Variants in GARIN5A observed in about 807,000 individuals in gnomAD.
The protein encoded by GARIN5A is Golgi-associated RAB2 interactor protein 5A.
chr19:50,471,599 T>A, the GARIN5A span, among the ~76,000 whole-genome samples: 2 of 152,112 alleles, frequency 1.3e-5, no homozygotes, highest in African/African-American at 4.8e-5. Context: ...AAAGGATGGA[T>A]CCATATATAT....
chr19:50,475,817 T>C, the GARIN5A span: 7 of 1,586,770 alleles, frequency 4.4e-6, no homozygotes, highest in Non-Finnish European at 6.1e-6. Context: ...GATGAGGGGG[T>C]TCTGGGGCTC....
the GARIN5A span, among the ~76,000 whole-genome samples, chr19:50,471,661 T>TGC: frequency 8.5e-6 from 1 of 117,638 alleles, no homozygotes; most frequent in Non-Finnish European, 1.8e-5. Flanking sequence ...TACATGCACG[T>TGC]GTGTGTATAC....
chr19:50,467,751 G>A, the GARIN5A span: 1 of 1,610,178 alleles, frequency 6.2e-7, no homozygotes, highest in South Asian at 1.1e-5. Context: ...AGAAGGTGCG[G>A]CTGGTGTTCA....
the GARIN5A span, chr19:50,476,409 G>C: frequency 8.1e-4 from 1,245 of 1,545,130 alleles, 2 homozygotes; most frequent in Non-Finnish European, 9.1e-4. Flanking sequence ...TCAGGCCCCA[G>C]GTGCGGACGG....
At chr19:50,476,305 G>A in the GARIN5A span, 8 of 1,597,040 alleles carry the variant, frequency 5.0e-6, no homozygotes, top group Middle Eastern at 5.0e-4. Context: ...GCTTTATGAC[G>A]TCACACAAGA....
chr19:50,476,586 C>G, the GARIN5A span: 1 of 1,575,872 alleles, frequency 6.3e-7, no homozygotes. Flanking sequence ...TGCTCCTGCT[C>G]TTGCTGATGG....
chr19:50,471,904 GTA>G, the GARIN5A span, among the ~76,000 whole-genome samples: 492 of 143,172 alleles, frequency 3.4e-3, 7 homozygotes, highest in African/African-American at 5.1e-3. Flanking sequence ...ATGCATACAT[GTA>G]TGTGTGTATA....
chr19:50,472,822 C>CAG, the GARIN5A span, among the ~76,000 whole-genome samples: 1 of 151,820 alleles, frequency 6.6e-6, no homozygotes, highest in African/African-American at 2.4e-5. Flanking sequence ...CTTGCGCCTG[C>CAG]AGAGAACTGT....
chr19:50,475,973 G>A, the GARIN5A span: 1 of 1,605,374 alleles, frequency 6.2e-7, no homozygotes. Context: ...AAGTCTGGGG[G>A]TCGATCCTGG....
the GARIN5A span, chr19:50,475,184 G>A: frequency 1.6e-5 from 21 of 1,282,702 alleles, no homozygotes; most frequent in Non-Finnish European, 2.1e-5. Flanking sequence ...GTTCTCCCGG[G>A]TAGATGGCAG....
the GARIN5A span, among the ~76,000 whole-genome samples, chr19:50,472,878 AAATG>A: frequency 3.3e-5 from 5 of 152,010 alleles, no homozygotes; most frequent in Admixed American, 2.0e-4. Flanking sequence ...TCTCAAAATT[AAATG>A]AATGAATGAA....
chr19:50,476,648 G>A, the GARIN5A span: 2 of 1,533,724 alleles, frequency 1.3e-6, no homozygotes, highest in East Asian at 2.4e-5. Flanking sequence ...GCCGGGACTG[G>A]TGCGCGAGGG....
At chr19:50,471,843 T>C in the GARIN5A span, among the ~76,000 whole-genome samples, 1 of 149,384 alleles carries the variant, frequency 6.7e-6, no homozygotes, top group Non-Finnish European at 1.5e-5. Flanking sequence ...CATATCTGTG[T>C]GCATACGCAT....
the GARIN5A span, among the ~76,000 whole-genome samples, chr19:50,474,941 T>C: frequency 3.9e-5 from 6 of 152,076 alleles, no homozygotes; most frequent in African/African-American, 1.5e-4. Flanking sequence ...GGCAACTGGC[T>C]CCCGGCTCTC....
the GARIN5A span, chr19:50,476,203 A>T: frequency 3.7e-6 from 6 of 1,613,598 alleles, no homozygotes; most frequent in African/African-American, 8.0e-5. Context: ...GCCTCATTGC[A>T]ATGTCCCCGT....
chr19:50,474,103 C>T, the GARIN5A span, among the ~76,000 whole-genome samples: 2 of 152,204 alleles, frequency 1.3e-5, no homozygotes, highest in East Asian at 3.8e-4. Flanking sequence ...GGAACAGCTT[C>T]TGCTGTCTAT....
At chr19:50,467,848 C>T in the GARIN5A span, 27 of 1,610,050 alleles carry the variant, frequency 1.7e-5, no homozygotes, top group Non-Finnish European at 2.1e-5. Context: ...GAGGAAGGGG[C>T]GGCCTCAGGT....
the GARIN5A span, among the ~76,000 whole-genome samples, chr19:50,469,543 G>A: frequency 6.6e-6 from 1 of 152,170 alleles, no homozygotes; most frequent in African/African-American, 2.4e-5. Context: ...CAGCTGACAC[G>A]TGGCAGGTGC....
the GARIN5A span, among the ~76,000 whole-genome samples, chr19:50,471,943 T>C: frequency 6.6e-6 from 1 of 150,518 alleles, no homozygotes; most frequent in Non-Finnish European, 1.5e-5. Flanking sequence ...TGTGTGTAAG[T>C]ATATATACAT....
Sources: allele counts gnomAD v4.1 joint callset (sites outside exome capture counted in the v4.1 genomes callset), GRCh38; gene constraint gnomAD v4.1.1; transcripts MANE v1.5; gene names NCBI Gene and HGNC (gene_info 2026-07-23, HGNC 2026-07-21).